The following PDE8B variants were observed in gnomAD, a reference collection of about 807,000 sequenced individuals.
PDE8B encodes high affinity cAMP-specific and IBMX-insensitive 3',5'-cyclic phosphodiesterase 8B.
In PDE8B, 26 loss-of-function variants were observed where a neutral mutation model predicts 101.3. The ratio of observed to expected loss-of-function variants is 0.26; its 90% CI spans 0.19 to 0.36. The LOEUF (loss-of-function observed/expected upper bound fraction) is 0.36. PDE8B is among the 10% of genes least tolerant of loss of function. The pLI is 1.00. For missense variants in PDE8B, 810 were observed against 1,163.1 expected, an observed-to-expected ratio of 0.70 and a Z score of 4.42; for synonymous variants, 424 against 429.3, an observed-to-expected ratio of 0.99 and a Z score of 0.15.
chr5:77,283,136 G>A (rs1765344829), intron 1 of PDE8B, among the ~76,000 whole-genome samples: 1 of 152,102 alleles, frequency 6.6e-6, no homozygotes, highest in South Asian at 2.1e-4. Flanking sequence ...AAGCACTGAA[G>A]TTATTTCTTT....
chr5:77,205,851 G>A (rs954650738), upstream of PDE8B, among the ~76,000 whole-genome samples: 1 of 151,918 alleles, frequency 6.6e-6, no homozygotes, highest in African/African-American at 2.4e-5. Flanking sequence ...ACTATAAATA[G>A]TAATATTTAT....
chr5:77,423,299 A>G (rs538485933), intron 20 of PDE8B, among the ~76,000 whole-genome samples: 2 of 152,294 alleles, frequency 1.3e-5, no homozygotes, highest in African/African-American at 4.8e-5. Flanking sequence ...CTTTGCTACC[A>G]TGAATTGTGC....
chr5:77,182,506 T>C, the PDE8B span, among the ~76,000 whole-genome samples: 1 of 152,110 alleles, frequency 6.6e-6, no homozygotes, highest in East Asian at 1.9e-4. Flanking sequence ...ACAACCTCCC[T>C]GTTACAGGCA....
At chr5:77,339,526 C>G (rs1255457761) in intron 6 of PDE8B, among the ~76,000 whole-genome samples, 3 of 152,140 alleles carry the variant, frequency 2.0e-5, no homozygotes, top group African/African-American at 7.2e-5. Flanking sequence ...GGGGCAGTGA[C>G]TCATGCCACG....
intron 1 of PDE8B, among the ~76,000 whole-genome samples, chr5:77,235,768 G>T (rs1183861785): frequency 6.6e-6 from 1 of 151,460 alleles, no homozygotes; most frequent in Non-Finnish European, 1.5e-5. Context: ...TTGAAGTGGG[G>T]GCCTAATATG....
chr5:77,418,265 A>G lies in PDE8B; in HGVS notation c.1948A>G (p.Ile650Val). 1.9e-6 allele frequency: 3 copies of G among 1,613,970 alleles called. No homozygotes were observed. Among genetic ancestry groups the G allele is most frequent in the Non-Finnish European group, 2.5e-6 (3 of 1,179,874 alleles). Residue 650 changes from isoleucine to valine, a missense_variant, in exon 18 of 22, where the codon ATT becomes GTT. By Grantham distance (29) the Ile-to-Val change is conservative. Around this residue, in one of 4 missense-constraint regions of PDE8B, gnomAD observed 325 missense variants for 560.9 expected, o/e 0.58. Transcript: ENST00000264917. ...TCAGTTGGATGAGGTGGCAGCCCTC[A>G]TTGCTGCCACAGTCCATGACGTGGA... ...LDQLDEVAAL[I>V]AATVHDVDHP...
intron 1 of PDE8B, among the ~76,000 whole-genome samples, chr5:77,238,871 C>T (rs1057488969): frequency 1.3e-5 from 2 of 152,166 alleles, no homozygotes; most frequent in Non-Finnish European, 2.9e-5. Flanking sequence ...ATGAATTTGC[C>T]CTTCTTCTGC....
chr5:77,277,017 A>G (rs1763988605), intron 1 of PDE8B, among the ~76,000 whole-genome samples: 1 of 152,136 alleles, frequency 6.6e-6, no homozygotes, highest in Admixed American at 6.5e-5. Flanking sequence ...AAAGCAGGAT[A>G]AGACAGTTGC....
Position 77,329,069 on chromosome 5 carries a change from T to A in PDE8B, c.650+12T>A. The A allele has an allele frequency of 1.2e-6, 2 of 1,602,812 alleles. No individual in the cohort carries two copies. Among genetic ancestry groups the A allele is most frequent in the Non-Finnish European group, 1.7e-6 (2 of 1,169,710 alleles). On this transcript the variant is annotated intron_variant, in intron 4 of 21. Coordinates refer to ENST00000264917, the MANE Select transcript of PDE8B (RefSeq NM_003719.5). ...GTGGTTTCGCGAGTGTAAGTGCACC[T>A]CCCATTCCCAGATGGAAGGAGTACT...
At position 77,328,016 on chromosome 5, in the gene PDE8B, A is replaced by G. The variant is rs545268336; in HGVS notation, c.591-982A>G. 3.0e-4 allele frequency among the ~76,000 whole-genome samples: 45 copies of G among 152,334 alleles called. No homozygotes were observed. In the South Asian group the frequency reaches 9.3e-3, roughly 32 times the overall value. Reference sequence around the variant, plus strand: ...AGTGGTAGTTCAAATACATTAAAGTAGAGAGGAGCAGAAATGCCCACAGCC... The same window carrying G: ...AGTGGTAGTTCAAATACATTAAAGTGGAGAGGAGCAGAAATGCCCACAGCC... On this transcript the variant is annotated intron_variant, in intron 3 of 21. Coordinates refer to ENST00000264917, the MANE Select transcript of PDE8B (RefSeq NM_003719.5).
At chr5:77,098,296 A>ATT in the PDE8B span, among the ~76,000 whole-genome samples, 95 of 113,152 alleles carry the variant, frequency 8.4e-4, no homozygotes, top group African/African-American at 2.7e-3. Context: ...TTTTTTTTAA[A>ATT]AAAAAAAAAG....
At chr5:77,379,282 C>T (rs1355974793) in intron 10 of PDE8B, among the ~76,000 whole-genome samples, 2 of 152,188 alleles carry the variant, frequency 1.3e-5, no homozygotes, top group Non-Finnish European at 2.9e-5. Flanking sequence ...TAAATCTCTG[C>T]TTGTCTGGCA....
rs1371196803 is a variant in PDE8B, at chr5:77,211,292, T to C, written c.339+28T>C. 6 of 1,525,392 alleles carry C rather than the reference T, an allele frequency of 3.9e-6. No individual in the cohort carries two copies. The South Asian group carries it at 7.2e-5, about 18-fold the overall frequency. 94.5% of individuals were successfully genotyped at this position (1,525,392 alleles called of 1,614,324 possible). On this transcript the variant is annotated intron_variant, in intron 1 of 21. Transcript: ENST00000264917. The surrounding 1 kb of genome is among the most constrained non-coding windows in gnomAD (Gnocchi z 4.1). Reference sequence around the variant, plus strand: ...AAATGCCCCGCGCTGGCACACGCCGTGGGGGCCGTCCGCCCCGTCGGCGGG... The same window carrying C: ...AAATGCCCCGCGCTGGCACACGCCGCGGGGGCCGTCCGCCCCGTCGGCGGG...
chr5:77,116,084 G>A, the PDE8B span, among the ~76,000 whole-genome samples: 1 of 151,746 alleles, frequency 6.6e-6, no homozygotes, highest in Admixed American at 6.6e-5. Context: ...CAGCAATGAC[G>A]AACTTGTTCC....
intron 10 of PDE8B, among the ~76,000 whole-genome samples, chr5:77,379,787 A>G (rs1038809187): frequency 2.6e-5 from 4 of 152,234 alleles, no homozygotes; most frequent in African/African-American, 9.6e-5. Flanking sequence ...TAATTTCAAG[A>G]AAATACTCAT....
At chr5:77,337,128 G>A (rs180811025) in intron 5 of PDE8B, 99 bp from the exon 6 acceptor site, 138 of 716,726 alleles carry the variant, frequency 1.9e-4, no homozygotes, top group African/African-American at 7.7e-4. Context: ...CTTATATAAC[G>A]GAGTTACCTG....
Position 77,413,161 on chromosome 5 carries a change from A to AGT in PDE8B, c.1763_1764insGT (p.Phe589TyrfsTer3). The AGT allele has an allele frequency of 6.2e-7, 1 of 1,613,972 alleles. No individual in the cohort carries two copies. On this transcript the variant is annotated frameshift_variant, in exon 17 of 22. Coordinates refer to ENST00000264917, the MANE Select transcript of PDE8B (RefSeq NM_003719.5). LOFTEE classifies it high-confidence loss of function. ...GTCTTCTCTCGGTTTGGAGTATGTG[A>AGT]ATTTTTAAACTGTTCTGAAACCACT...
the PDE8B span, among the ~76,000 whole-genome samples, chr5:77,148,882 A>G: frequency 6.6e-6 from 1 of 152,108 alleles, no homozygotes; most frequent in Non-Finnish European, 1.5e-5. Context: ...GATTTTGATG[A>G]AGTCTAATGT....
chr5:77,309,702 C>T (rs895119779), intron 1 of PDE8B, among the ~76,000 whole-genome samples: 16 of 152,040 alleles, frequency 1.1e-4, no homozygotes, highest in Non-Finnish European at 2.1e-4. Flanking sequence ...TCACTGCAGC[C>T]TCCACCTCCC....
Sources: gnomAD v4.1 joint callset for allele counts (sites outside exome capture counted in the v4.1 genomes callset) on GRCh38, gnomAD v4.1.1 for gene constraint, gnomAD v4.1.1 regional missense constraint, Gnocchi (gnomAD v3.1) non-coding constraint, MANE v1.5 for transcripts, NCBI Gene and HGNC (gene_info 2026-07-23, HGNC 2026-07-21) for gene names.